The following PTPRD variants were observed in gnomAD, a reference collection of about 807,000 sequenced individuals.
PTPRD encodes the protein protein tyrosine phosphatase receptor type D.
PTPRD carries 34 observed loss-of-function variants against 214.5 expected under a neutral mutation model. That is an observed-to-expected ratio of 0.16 (90% CI 0.12 to 0.21). PTPRD has a LOEUF of 0.21. Among genes scored for constraint, PTPRD ranks in the 10% least tolerant of loss-of-function variants. PTPRD has a pLI of 1.00. For synonymous variants in PTPRD, 1,128 were observed against 845.7 expected (o/e 1.33, Z -5.79); for missense variants, 2,545 against 2,398.7 (o/e 1.06, Z -1.27).
At chr9:10,100,868 A>T (rs1272117009) in intron 3 of PTPRD, among the ~76,000 whole-genome samples, 1 of 151,514 alleles carries the variant, frequency 6.6e-6, no homozygotes, top group African/African-American at 2.4e-5. Context: ...TCAATGAATC[A>T]AATAATAATA....
chr9:9,165,730 A>G (rs79210149), intron 10 of PTPRD, among the ~76,000 whole-genome samples: 4,518 of 152,316 alleles, frequency 0.03, 93 homozygotes, highest in Non-Finnish European at 0.047. Flanking sequence ...TAACAAGGAG[A>G]TAAGTTAGAA....
At chr9:8,961,703 C>G (rs536821169) in intron 11 of PTPRD, among the ~76,000 whole-genome samples, 1 of 152,188 alleles carries the variant, frequency 6.6e-6, no homozygotes, top group South Asian at 2.1e-4. Flanking sequence ...CCCTTCTAAG[C>G]AGAAATATTC....
In PTPRD at chr9:8,987,267, G is replaced by C. The variant is rs191366401; in HGVS notation, c.-104+31430C>G. Among the ~76,000 whole-genome samples the C allele has an allele frequency of 1.6e-4, 25 of 152,282 alleles. No individual in the cohort carries two copies. In the East Asian group the frequency reaches 4.6e-3, roughly 28 times the overall value. On this transcript the variant is annotated intron_variant, in intron 11 of 45. Transcript: ENST00000381196. ...TGGCCAGGGTGAAAGGTATGTGTGA[G>C]TGTGTGGGTGGGTATGTGTGGTGGG...
At chr9:9,078,653 T>TC (rs1292536190) in intron 10 of PTPRD, among the ~76,000 whole-genome samples, 1 of 151,998 alleles carries the variant, frequency 6.6e-6, no homozygotes, top group Non-Finnish European at 1.5e-5. Flanking sequence ...AGGTTTTTTT[T>TC]ACTGGGGAGT....
At chr9:10,391,721 G>A (rs560886557) in intron 2 of PTPRD, among the ~76,000 whole-genome samples, 1 of 151,760 alleles carries the variant, frequency 6.6e-6, no homozygotes, top group Non-Finnish European at 1.5e-5. Context: ...TTAACAGCAA[G>A]AGTGGTCTCT....
chr9:9,861,569 G>C (rs542729343), intron 5 of PTPRD, among the ~76,000 whole-genome samples: 1 of 152,266 alleles, frequency 6.6e-6, no homozygotes, highest in South Asian at 2.1e-4. Context: ...GATTACTGGC[G>C]TGAGCCACCG....
chr9:9,536,255 C>T (rs575346851), intron 8 of PTPRD, among the ~76,000 whole-genome samples: 5 of 151,982 alleles, frequency 3.3e-5, no homozygotes, highest in African/African-American at 9.6e-5. Flanking sequence ...TTTCCATTCC[C>T]GGCCCGTACC....
chr9:9,153,531 T>TA (rs2099878646), intron 10 of PTPRD, among the ~76,000 whole-genome samples: 1 of 152,186 alleles, frequency 6.6e-6, no homozygotes, highest in African/African-American at 2.4e-5. Flanking sequence ...CCATATGCCA[T>TA]AAGGTACAGA....
At chr9:9,615,474 T>C (rs1380877799) in intron 7 of PTPRD, among the ~76,000 whole-genome samples, 4 of 152,226 alleles carry the variant, frequency 2.6e-5, no homozygotes, top group African/African-American at 9.6e-5. Flanking sequence ...GTCTTCCCTA[T>C]TTGTCCTTCC....
At chr9:8,933,627 A>T (rs1040632931) in intron 11 of PTPRD, among the ~76,000 whole-genome samples, 2 of 151,988 alleles carry the variant, frequency 1.3e-5, no homozygotes, top group Non-Finnish European at 2.9e-5. Context: ...TTTTCAAGTG[A>T]CTATAAAGTA....
intron 7 of PTPRD, among the ~76,000 whole-genome samples, chr9:9,730,845 C>T (rs1024853982): frequency 6.6e-6 from 1 of 152,082 alleles, no homozygotes; most frequent in Non-Finnish European, 1.5e-5. Context: ...TGAGAATACA[C>T]AGATAAAGCA....
At chr9:10,596,919 T>C (rs1418006326) in intron 2 of PTPRD, among the ~76,000 whole-genome samples, 2 of 151,610 alleles carry the variant, frequency 1.3e-5, no homozygotes, top group Admixed American at 6.6e-5. Context: ...TTAGGTAGTA[T>C]ATGTAATTTT....
intron 8 of PTPRD, among the ~76,000 whole-genome samples, chr9:9,453,020 ATT>A (rs34378799): frequency 0.16 from 22,703 of 144,924 alleles, 1,835 homozygotes; most frequent in Middle Eastern, 0.29. Context: ...AGCCTATTTT[ATT>A]TTTTTTTTTT....
At chr9:10,231,730 A>T (rs1230093575) in intron 3 of PTPRD, among the ~76,000 whole-genome samples, 1 of 151,888 alleles carries the variant, frequency 6.6e-6, no homozygotes, top group African/African-American at 2.4e-5. Flanking sequence ...TAATTTGAAA[A>T]TTATTGAAAG....
intron 13 of PTPRD, among the ~76,000 whole-genome samples, 165 bp downstream of exon 13, chr9:8,636,533 CT>C (rs901215807): frequency 6.6e-6 from 1 of 152,072 alleles, no homozygotes; most frequent in African/African-American, 2.4e-5. Flanking sequence ...CCCAAATTTC[CT>C]TTTTTAAAAA....
chr9:8,846,033 G>A (rs973753195), intron 11 of PTPRD, among the ~76,000 whole-genome samples: 1 of 152,182 alleles, frequency 6.6e-6, no homozygotes, highest in Non-Finnish European at 1.5e-5. Context: ...AGAATTAAGT[G>A]CATCTGGGAA....
chr9:8,888,026 G>A (rs2098506328), intron 11 of PTPRD, among the ~76,000 whole-genome samples: 1 of 152,112 alleles, frequency 6.6e-6, no homozygotes, highest in Non-Finnish European at 1.5e-5. Flanking sequence ...AAATCAAATA[G>A]CTGCGTTTTT....
intron 39 of PTPRD, among the ~76,000 whole-genome samples, chr9:8,346,873 G>A (rs1157994987): frequency 6.6e-6 from 1 of 152,116 alleles, no homozygotes; most frequent in African/African-American, 2.4e-5. Context: ...CAATTGTGAA[G>A]AAGGAAAAAG....
At chr9:9,653,750 T>G (rs1049811199) in intron 7 of PTPRD, among the ~76,000 whole-genome samples, 2 of 152,234 alleles carry the variant, frequency 1.3e-5, no homozygotes, top group Non-Finnish European at 2.9e-5. Flanking sequence ...ATTTTACTCC[T>G]TGATACACTT....
Sources: gnomAD v4.1 joint callset for allele counts (sites outside exome capture counted in the v4.1 genomes callset) on GRCh38, gnomAD v4.1.1 for gene constraint, MANE v1.5 for transcripts, NCBI Gene and HGNC (gene_info 2026-07-23, HGNC 2026-07-21) for gene names.